The following CCDC102B variants were observed in gnomAD, a reference collection of about 807,000 sequenced individuals.
CCDC102B encodes the protein coiled-coil domain containing 102B.
A neutral mutation model predicts 57.4 loss-of-function variants in CCDC102B; 75 were observed. That is an observed-to-expected ratio of 1.31 (90% confidence interval 1.08 to 1.58). The LOEUF (loss-of-function observed/expected upper bound fraction) is 1.58, where lower values mean the gene tolerates loss of function less well. Among genes scored for constraint, CCDC102B ranks in the 40% most tolerant of loss-of-function variants. The probability of loss-of-function intolerance (pLI) is 0.00; values close to 1 mark genes in which losing one functional copy is unlikely to be tolerated. For synonymous variants in CCDC102B, 206 were observed against 201.9 expected (o/e 1.02, Z -0.17); for missense variants, 636 against 582.6 (o/e 1.09, Z -0.94).
intron 2 of CCDC102B, among the ~76,000 whole-genome samples, chr18:68,742,083 G>A (rs1368895043): frequency 6.6e-6 from 1 of 152,194 alleles, no homozygotes; most frequent in Non-Finnish European, 1.5e-5. Flanking sequence ...TAAAATGACA[G>A]ATTATTTGTT....
chr18:68,864,435 T>C (rs1328262883), intron 4 of CCDC102B, among the ~76,000 whole-genome samples: 1 of 152,060 alleles, frequency 6.6e-6, no homozygotes, highest in Non-Finnish European at 1.5e-5. Context: ...TTTTTCATTT[T>C]TCATGAAAAT....
chr18:68,950,305 C>G (rs889992638), intron 6 of CCDC102B, among the ~76,000 whole-genome samples: 2 of 151,982 alleles, frequency 1.3e-5, no homozygotes, highest in Non-Finnish European at 2.9e-5. Flanking sequence ...TTCAGAGTAT[C>G]CAGAGCTTAA....
At chr18:68,724,275 A>G (rs919979995) in intron 2 of CCDC102B, among the ~76,000 whole-genome samples, 1 of 152,214 alleles carries the variant, frequency 6.6e-6, no homozygotes, top group African/African-American at 2.4e-5. Flanking sequence ...GGCTGTGTGA[A>G]GGTTTCTGAC....
intron 2 of CCDC102B, among the ~76,000 whole-genome samples, chr18:68,731,079 C>G (rs1001714340): frequency 1.3e-5 from 2 of 152,068 alleles, no homozygotes; most frequent in Non-Finnish European, 2.9e-5. Context: ...TTCTGCCTCC[C>G]GGGATCAAGC....
chr18:68,884,382 G>A (rs1421639710), intron 5 of CCDC102B, among the ~76,000 whole-genome samples: 1 of 151,990 alleles, frequency 6.6e-6, no homozygotes, highest in African/African-American at 2.4e-5. Flanking sequence ...TGGGCCAGTA[G>A]GACATTATAC....
At chr18:69,006,295 A>G (rs1342045809) in intron 6 of CCDC102B, among the ~76,000 whole-genome samples, 1 of 152,222 alleles carries the variant, frequency 6.6e-6, no homozygotes, top group East Asian at 1.9e-4. Flanking sequence ...TATAACACGT[A>G]CGGAAAGAAC....
intron 6 of CCDC102B, among the ~76,000 whole-genome samples, chr18:68,953,543 G>A (rs1366269942): frequency 1.5e-5 from 2 of 132,458 alleles, no homozygotes; most frequent in African/African-American, 6.7e-5. Flanking sequence ...TAATTGTTTA[G>A]TAGCGGTTTT....
intron 1 of CCDC102B, among the ~76,000 whole-genome samples, chr18:68,807,647 A>C (rs1358621270): frequency 6.6e-6 from 1 of 152,158 alleles, no homozygotes; most frequent in Non-Finnish European, 1.5e-5. Context: ...AAATACAAAC[A>C]CTGAGTATTC....
chr18:68,948,891 A>G (rs1167453604), intron 6 of CCDC102B, among the ~76,000 whole-genome samples: 2 of 152,038 alleles, frequency 1.3e-5, no homozygotes, highest in Non-Finnish European at 2.9e-5. Flanking sequence ...TAGTCAGAAT[A>G]TATATATAGG....
At chr18:68,731,126 A>G (rs1319050000) in intron 2 of CCDC102B, among the ~76,000 whole-genome samples, 1 of 152,102 alleles carries the variant, frequency 6.6e-6, no homozygotes, top group Non-Finnish European at 1.5e-5. Context: ...AGCTAGGACT[A>G]CAGACATGCG....
chr18:68,730,426 A>G (rs900158022), intron 2 of CCDC102B, among the ~76,000 whole-genome samples: 3 of 152,178 alleles, frequency 2.0e-5, no homozygotes, highest in Non-Finnish European at 4.4e-5. Flanking sequence ...ACTTAGTCCA[A>G]GAGGATCACT....
At chr18:68,738,462 T>C (rs1465729169) in intron 2 of CCDC102B, among the ~76,000 whole-genome samples, 2 of 152,152 alleles carry the variant, frequency 1.3e-5, no homozygotes, top group Non-Finnish European at 1.5e-5. Flanking sequence ...GATATAATCA[T>C]TTCCAAATAA....
chr18:68,761,947 TA>T lies in CCDC102B; in HGVS notation c.-67+45358del, dbSNP rs1458428842. On this transcript the variant is annotated intron_variant, in intron 2 of 3. Coordinates refer to the CCDC102B transcript ENST00000578970. Reference sequence around the variant, plus strand: ...ATTTATCTGTTTCTCTTCTTCATTTTAAAAATCTTGGCGCTAGTTTGTAAGT... The same window carrying T: ...ATTTATCTGTTTCTCTTCTTCATTTTAAAATCTTGGCGCTAGTTTGTAAGT... Among the ~76,000 whole-genome samples, 3 of 152,290 alleles carry T rather than the reference TA, an allele frequency of 2.0e-5. No individual in the cohort carries two copies. In the East Asian group the frequency reaches 5.8e-4, roughly 29 times the overall value.
intron 2 of CCDC102B, among the ~76,000 whole-genome samples, chr18:68,758,073 C>T (rs1275420138): frequency 6.6e-6 from 1 of 151,982 alleles, no homozygotes; most frequent in Non-Finnish European, 1.5e-5. Context: ...TTCTATTTCT[C>T]TTAGAGCCCA....
At chr18:68,855,619 T>A (rs185674381) in intron 4 of CCDC102B, among the ~76,000 whole-genome samples, 26 of 152,226 alleles carry the variant, frequency 1.7e-4, no homozygotes, top group Non-Finnish European at 2.9e-4. Flanking sequence ...AATAGTCACT[T>A]CTTCTTTCTC....
chr18:68,856,235 T>A (rs1339335115), intron 4 of CCDC102B, among the ~76,000 whole-genome samples: 2 of 152,198 alleles, frequency 1.3e-5, no homozygotes, highest in African/African-American at 2.4e-5. Flanking sequence ...TTAATTCTTT[T>A]AAAACTCTAT....
rs571540845 is a variant in CCDC102B, at chr18:68,946,569, C to T, written c.1263+49141C>T. Among the ~76,000 whole-genome samples, 33 of 151,984 alleles carry T rather than the reference C, an allele frequency of 2.2e-4. No homozygotes were observed. In the South Asian group the frequency reaches 2.3e-3, roughly 11 times the overall value. ...ATCTTCTGAATCTATAAATTAGAGA[C>T]GAACATTATATGGCTAAGTGCTTTA... On this transcript the variant is annotated intron_variant, in intron 6 of 7. Coordinates refer to ENST00000360242, the MANE Select transcript of CCDC102B (RefSeq NM_024781.3).
At chr18:68,998,509 A>C (rs562211560) in intron 6 of CCDC102B, among the ~76,000 whole-genome samples, 1 of 151,196 alleles carries the variant, frequency 6.6e-6, no homozygotes, top group African/African-American at 2.4e-5. Context: ...GAGAGTATTG[A>C]CTCACACCAT....
At chr18:69,027,985 G>A (rs941132759) in intron 7 of CCDC102B, among the ~76,000 whole-genome samples, 6 of 152,096 alleles carry the variant, frequency 3.9e-5, no homozygotes, top group Non-Finnish European at 7.4e-5. Flanking sequence ...TGGTATAATA[G>A]TAATAGAATA....
Sources: allele counts gnomAD v4.1 joint callset (sites outside exome capture counted in the v4.1 genomes callset), GRCh38; gene constraint gnomAD v4.1.1; transcripts MANE v1.5; gene names NCBI Gene and HGNC (gene_info 2026-07-23, HGNC 2026-07-21).